The following SHOC1 variants were observed in gnomAD, a reference collection of about 807,000 sequenced individuals.
SHOC1 encodes protein shortage in chiasmata 1 ortholog.
A neutral mutation model predicts 179.2 loss-of-function variants in SHOC1; 136 were observed. That is an observed-to-expected ratio of 0.76 (90% confidence interval 0.66 to 0.87). SHOC1 has a LOEUF of 0.87. SHOC1 is among the 40% of genes least tolerant of loss of function. The pLI, the probability that SHOC1 is intolerant of heterozygous loss-of-function variation, is 0.00. For missense variants in SHOC1, 1,538 were observed against 1,700.8 expected (o/e 0.90, Z 1.68); for synonymous variants, 489 against 586.6 (o/e 0.83, Z 2.41).
At position 111,694,452 on chromosome 9, in the gene SHOC1, T is replaced by TA. The variant is rs1396650474; in HGVS notation, c.3184-91dup. On this transcript the variant is annotated intron_variant, in intron 24 of 27. Coordinates refer to ENST00000682961, the MANE Select transcript of SHOC1 (RefSeq NM_001378211.1). ...ACAGTTTGTAATTAGAAGATAAAAT[T>TA]AAACAACAGCAGATTCTATCTAATT... is the stretch of plus-strand genomic sequence containing the variant. 7 of 888,988 alleles carry TA rather than the reference T, an allele frequency of 7.9e-6. No individual in the cohort carries two copies. In the Admixed American group the frequency reaches 9.5e-5, roughly 12 times the overall value. The allele number at this position is 888,988 out of a possible 1,614,324, so 55.1% of individuals were successfully genotyped here. A position where few individuals can be genotyped will look rare whatever the true frequency, so the allele number is the denominator to read the frequency against.
chr9:111,763,853 A>C (rs972237844), intron 5 of SHOC1, among the ~76,000 whole-genome samples: 3 of 152,214 alleles, frequency 2.0e-5, no homozygotes, highest in African/African-American at 4.8e-5. Flanking sequence ...GTGTATTAAG[A>C]GGAGATTTAG....
rs893302291 is a variant in SHOC1, at chr9:111,693,808, T to A, written c.3456A>T (p.Lys1152Asn). ...LQELLPEVPEKVLKHFCSITS... is the reference protein window; with the variant it reads ...LQELLPEVPENVLKHFCSITS... ...ATCTCAAATAACTAACCTTTAACAC[T>A]TTTTCTGGGACTTCAGGTAGGAGTT... Residue 1152 changes from lysine (K) to asparagine (N), a missense_variant, in exon 26 of 28, where the codon AAA becomes AAT. By Grantham distance (94) the Lys-to-Asn change is moderately conservative (BLOSUM62 0). Coordinates refer to ENST00000682961, the MANE Select transcript of SHOC1 (RefSeq NM_001378211.1). The A allele has an allele frequency of 6.2e-7, 1 of 1,604,902 alleles. No homozygotes were observed. The highest frequency in any genetic ancestry group is 8.5e-7 in the Non-Finnish European group (1 of 1,174,686).
At chr9:111,743,745 T>C (rs1245162338) in intron 10 of SHOC1, among the ~76,000 whole-genome samples, 1 of 152,196 alleles carries the variant, frequency 6.6e-6, no homozygotes, top group Non-Finnish European at 1.5e-5. Flanking sequence ...AAAAACAGTA[T>C]ATATAGGGTT....
At chr9:111,702,807 T>C (rs971705646) in intron 22 of SHOC1, among the ~76,000 whole-genome samples, 5 of 152,208 alleles carry the variant, frequency 3.3e-5, no homozygotes, top group Non-Finnish European at 7.3e-5. Context: ...AGTTATATAA[T>C]TGGATTACAA....
rs1260389933 is a variant in SHOC1 at position 111,785,939 on chromosome 9, T to C, written c.142A>G (p.Asn48Asp). 1 of 1,497,422 alleles carries C rather than the reference T, an allele frequency of 6.7e-7. No individual in the cohort carries two copies. The highest frequency in any genetic ancestry group is 8.9e-7 in the Non-Finnish European group (1 of 1,126,378). The allele number at this position is 1,497,422 out of a possible 1,614,324, so 92.8% of individuals were successfully genotyped here. A position where few individuals can be genotyped will look rare whatever the true frequency, so the allele number is the denominator to read the frequency against. The change falls in exon 3 of 28, where the codon AAT becomes GAT. Residue 48 changes from asparagine (N) to aspartate (D), a missense_variant. Physicochemically the swap from Asn to Asp is conservative, Grantham distance 23. Coordinates refer to ENST00000682961, the MANE Select transcript of SHOC1 (RefSeq NM_001378211.1). ...DESYHVAVTD[N>D]KFRRPWTRVS... ...CTCGTCCATGGCCTCCTAAATTTATTATCAGTAACTGCTACATGGTAACTT... is the reference window on the plus strand; with the variant it reads ...CTCGTCCATGGCCTCCTAAATTTATCATCAGTAACTGCTACATGGTAACTT...
At chr9:111,715,966 A>C (rs1832766185) in intron 16 of SHOC1, among the ~76,000 whole-genome samples, 1 of 152,112 alleles carries the variant, frequency 6.6e-6, no homozygotes, top group African/African-American at 2.4e-5. Context: ...GCTAGGAGAA[A>C]ACACAGAATT....
intron 2 of SHOC1, among the ~76,000 whole-genome samples, chr9:111,789,149 C>CTT (rs77003364): frequency 0.8 from 122,227 of 151,984 alleles, 49,330 homozygotes; most frequent in East Asian, 0.92. Flanking sequence ...ATTCTCAAGA[C>CTT]TTTAATGTTT....
At chr9:111,720,329 C>T (rs1832978823) in intron 15 of SHOC1, among the ~76,000 whole-genome samples, 1 of 152,172 alleles carries the variant, frequency 6.6e-6, no homozygotes, top group Admixed American at 6.6e-5. Flanking sequence ...AATCTCATGT[C>T]ACCCTTATCT....
intron 3 of SHOC1, among the ~76,000 whole-genome samples, chr9:111,783,236 A>G (rs1158780296): frequency 6.6e-6 from 1 of 152,156 alleles, no homozygotes; most frequent in Non-Finnish European, 1.5e-5. Flanking sequence ...AAATATTCAA[A>G]TTCACTCTCT....
At chr9:111,772,418 C>A (rs1473339120) in intron 5 of SHOC1, among the ~76,000 whole-genome samples, 1 of 152,162 alleles carries the variant, frequency 6.6e-6, no homozygotes, top group Non-Finnish European at 1.5e-5. Flanking sequence ...GGGTCGGTCA[C>A]TGGATTTTTC....
intron 11 of SHOC1, among the ~76,000 whole-genome samples, chr9:111,739,443 C>T (rs1833941625): frequency 6.6e-6 from 1 of 152,072 alleles, no homozygotes; most frequent in Non-Finnish European, 1.5e-5. Flanking sequence ...TGTATCCCTC[C>T]TGCCTCTTTA....
In SHOC1 at chr9:111,703,969, C is replaced by T. The variant is rs1398858759; in HGVS notation, c.2879G>A (p.Arg960Lys). 2 of 1,597,314 alleles carry T rather than the reference C, an allele frequency of 1.3e-6. No homozygotes were observed. The highest frequency in any genetic ancestry group is 2.7e-5 in the African/African-American group (2 of 74,784). The change falls in exon 22 of 28, where the codon AGA (arginine) becomes AAA (lysine). Residue 960 changes from arginine to lysine, a missense_variant. Transcript: ENST00000682961. ...GAGTTTCAATGACTCACTGCAGCCTCTCTCTACTAGTGAGATGTTATAGCT... is the reference window on the plus strand; with the variant it reads ...GAGTTTCAATGACTCACTGCAGCCTTTCTCTACTAGTGAGATGTTATAGCT... ...ESNYNISLVE[R>K]GCSESLKLFG...
chr9:111,732,175 A>G (rs762327819), intron 12 of SHOC1, among the ~76,000 whole-genome samples: 23 of 152,202 alleles, frequency 1.5e-4, no homozygotes, highest in Admixed American at 7.2e-4. Context: ...GGGTAACTGG[A>G]TCTCTCACAC....
chr9:111,782,055 GA>G (rs1189297375), intron 3 of SHOC1, among the ~76,000 whole-genome samples: 3 of 152,100 alleles, frequency 2.0e-5, no homozygotes, highest in South Asian at 4.2e-4. Flanking sequence ...ACTAAAGATA[GA>G]AAAAAATTAT....
At chr9:111,717,409 C>T (rs549757755) in intron 16 of SHOC1, among the ~76,000 whole-genome samples, 2 of 152,156 alleles carry the variant, frequency 1.3e-5, no homozygotes, top group African/African-American at 2.4e-5. Flanking sequence ...GCCTGGCCAA[C>T]GTGGTGAAAC....
Position 111,692,241 on chromosome 9 carries a change from C to T in SHOC1, c.3736G>A (p.Val1246Met). The change falls in exon 27 of 28, where the codon GTG (valine) becomes ATG (methionine). Residue 1246 changes from valine (V) to methionine (M), a missense_variant. Transcript: ENST00000682961. ...LKEISSFLPP[V>M]TSYNQTSYWK... is the part of the protein sequence containing the mutation. ...TAGCTGGTCTGATTGTATGAAGTCA[C>T]AGGTGGTAAAAAACTTGAGATTTCT... 2 of 1,613,642 alleles carry T rather than the reference C, an allele frequency of 1.2e-6. No individual in the cohort carries two copies. The highest frequency in any genetic ancestry group is 8.5e-7 in the Non-Finnish European group (1 of 1,179,644).
At chr9:111,735,001 T>G (rs1290825362) in intron 12 of SHOC1, among the ~76,000 whole-genome samples, 2 of 152,056 alleles carry the variant, frequency 1.3e-5, no homozygotes, top group African/African-American at 4.8e-5. Context: ...CCCCAGTTTC[T>G]ATTGTTGCCA....
intron 4 of SHOC1, among the ~76,000 whole-genome samples, chr9:111,776,565 C>A (rs946036368): frequency 6.6e-6 from 1 of 152,172 alleles, no homozygotes; most frequent in African/African-American, 2.4e-5. Flanking sequence ...GGAAGCTAAC[C>A]TCTATGAACT....
rs1322257 is a variant in SHOC1 at position 111,718,282 on chromosome 9, A to G, written c.2138T>C (p.Ile713Thr). 0.022 allele frequency: 34,603 copies of G among 1,588,056 alleles called. 1,344 individuals are homozygous for G. The highest frequency in any genetic ancestry group is 0.16 in the African/African-American group (12,004 of 73,500). The change falls in exon 16 of 28, where the codon ATT (isoleucine) becomes ACT (threonine). Residue 713 changes from isoleucine to threonine, a missense_variant. By Grantham distance (89) the Ile-to-Thr change is moderately conservative (BLOSUM62 -1). Coordinates refer to ENST00000682961, the MANE Select transcript of SHOC1 (RefSeq NM_001378211.1). The part of the protein sequence containing the change: ...VVSDAVRQGT[I>T]DEREMTFKHA... ...CTTGAAAGTCATTTCTCTTTCATCA[A>G]TTGTACCTAAGTAAGCAAAAATGTA...
Sources: gnomAD v4.1 joint callset for allele counts (sites outside exome capture counted in the v4.1 genomes callset) on GRCh38, gnomAD v4.1.1 for gene constraint, MANE v1.5 for transcripts, NCBI Gene and HGNC (gene_info 2026-07-23, HGNC 2026-07-21) for gene names.